Variants in KIAA1328 observed in about 807,000 individuals in gnomAD.
KIAA1328 encodes the protein protein hinderin.
In KIAA1328, 52 loss-of-function variants were observed where a neutral mutation model predicts 68.1. The ratio of observed to expected loss-of-function variants is 0.76; its 90% CI spans 0.61 to 0.96. KIAA1328 has a LOEUF of 0.96. Among genes scored for constraint, KIAA1328 ranks in the 40% least tolerant of loss-of-function variants. The pLI is 0.00. For synonymous variants in KIAA1328, 232 were observed against 239.4 expected (o/e 0.97, Z 0.28); for missense variants, 641 against 677.6 (o/e 0.95, Z 0.60).
intron 6 of KIAA1328, among the ~76,000 whole-genome samples, chr18:36,982,764 A>C (rs1054377965): frequency 3.9e-5 from 6 of 152,018 alleles, no homozygotes; most frequent in Non-Finnish European, 5.9e-5. Context: ...TTTTAAATGT[A>C]AATGCCTCTT....
chr18:37,048,231 A>G (rs2055553818), intron 6 of KIAA1328, among the ~76,000 whole-genome samples: 1 of 152,240 alleles, frequency 6.6e-6, no homozygotes. Flanking sequence ...CTTCTCACAC[A>G]TTGGATAACG....
chr18:36,992,301 G>T (rs946434149), intron 6 of KIAA1328, among the ~76,000 whole-genome samples: 34 of 151,976 alleles, frequency 2.2e-4, no homozygotes, highest in Non-Finnish European at 4.4e-4. Flanking sequence ...TGCTTTTTGG[G>T]TCCTTTTCTC....
chr18:37,207,004 G>A (rs1376758070), intron 9 of KIAA1328, among the ~76,000 whole-genome samples: 2 of 152,144 alleles, frequency 1.3e-5, no homozygotes, highest in African/African-American at 4.8e-5. Context: ...GTGGTGATAA[G>A]TGGAAAGGCA....
intron 1 of KIAA1328, 106 bp downstream of exon 1, chr18:36,829,302 C>T (rs747842174): frequency 8.3e-5 from 117 of 1,416,650 alleles, no homozygotes; most frequent in Non-Finnish European, 1.1e-4. Context: ...CCGAACTAAC[C>T]CCGGGGATGG....
rs186879917 is a variant in KIAA1328 at position 37,061,821 on chromosome 18, A to G, written c.577-5069A>G. Reference sequence around the variant, plus strand: ...TCTTCCTTTAGTTACTGTGACCCATACCCCATCTTGAATTTTTCTGTTAAG... The same window carrying G: ...TCTTCCTTTAGTTACTGTGACCCATGCCCCATCTTGAATTTTTCTGTTAAG... On this transcript the variant is annotated intron_variant, in intron 6 of 9. Transcript: ENST00000280020. 1.4e-4 allele frequency among the ~76,000 whole-genome samples: 22 copies of G among 152,128 alleles called. No individual in the cohort carries two copies. The East Asian group carries it at 4.3e-3, about 29-fold the overall frequency.
chr18:37,222,802 T>G lies in KIAA1328; in HGVS notation c.*575T>G, dbSNP rs1176493002. ...AATTGTGAGTCAGTCTCAGTAGCCA[T>G]CAGCCTGGCAGCTGCCCATCCCATA... On this transcript the variant is annotated 3_prime_UTR_variant, in exon 10 of 10. Coordinates refer to ENST00000280020, the MANE Select transcript of KIAA1328 (RefSeq NM_020776.3). The G allele has an allele frequency of 1.0e-6, 1 of 991,594 alleles. No individual in the cohort carries two copies. The highest frequency in any genetic ancestry group is 1.7e-5 in the African/African-American group (1 of 57,220). 61.4% of individuals were successfully genotyped at this position (991,594 alleles called of 1,614,324 possible).
intron 9 of KIAA1328, among the ~76,000 whole-genome samples, chr18:37,199,690 G>A (rs1417898529): frequency 2.0e-5 from 3 of 152,106 alleles, no homozygotes; most frequent in Admixed American, 2.0e-4. Flanking sequence ...CACAATAGTT[G>A]AACTAATTTA....
intron 4 of KIAA1328, among the ~76,000 whole-genome samples, chr18:36,861,534 A>G (rs938372142): frequency 2.0e-5 from 3 of 152,118 alleles, no homozygotes; most frequent in African/African-American, 7.2e-5. Context: ...TGGTTACTTT[A>G]TATTTCCTTT....
intron 7 of KIAA1328, among the ~76,000 whole-genome samples, chr18:37,086,737 T>C (rs1364164250): frequency 2.6e-5 from 4 of 152,232 alleles, no homozygotes; most frequent in African/African-American, 9.6e-5. Flanking sequence ...GAAGGTTGTA[T>C]TCTATTACCT....
chr18:37,071,470 G>A (rs147935132), intron 7 of KIAA1328, among the ~76,000 whole-genome samples: 6 of 151,612 alleles, frequency 4.0e-5, no homozygotes, highest in Non-Finnish European at 8.8e-5. Flanking sequence ...AATAGTTGGG[G>A]GCAATAAATA....
chr18:37,026,267 A>G (rs553651660), intron 6 of KIAA1328, among the ~76,000 whole-genome samples: 1 of 152,192 alleles, frequency 6.6e-6, no homozygotes, highest in African/African-American at 2.4e-5. Context: ...GACCAGATGG[A>G]TTCACAGCCA....
At chr18:36,841,777 A>G (rs866571244) in intron 3 of KIAA1328, among the ~76,000 whole-genome samples, 11 of 152,328 alleles carry the variant, frequency 7.2e-5, no homozygotes, top group Middle Eastern at 6.8e-3. Flanking sequence ...GCTTGCAGCC[A>G]TGGTTTACCA....
chr18:36,991,711 C>T (rs557910185), intron 6 of KIAA1328, among the ~76,000 whole-genome samples: 9 of 152,174 alleles, frequency 5.9e-5, no homozygotes, highest in Admixed American at 1.3e-4. Context: ...CTACATGCAG[C>T]TGACATGTTA....
downstream of KIAA1328, among the ~76,000 whole-genome samples, chr18:37,228,439 A>G (rs1470975361): frequency 3.9e-5 from 6 of 152,152 alleles, no homozygotes; most frequent in Non-Finnish European, 1.5e-5. Context: ...ATTTTAAGAA[A>G]TTGCTACAGC....
At chr18:37,005,710 C>T (rs2053756540) in intron 6 of KIAA1328, among the ~76,000 whole-genome samples, 1 of 152,054 alleles carries the variant, frequency 6.6e-6, no homozygotes, top group African/African-American at 2.4e-5. Flanking sequence ...CTTAAGCTTT[C>T]ATCAATAGAT....
Position 36,967,776 on chromosome 18 carries a change from G to A in KIAA1328, c.576+8341G>A, listed in dbSNP as rs59669775. Among the ~76,000 whole-genome samples, 30 of 152,230 alleles carry A rather than the reference G, an allele frequency of 2.0e-4. No homozygotes were observed. The East Asian group carries it at 5.6e-3, about 29-fold the overall frequency. On this transcript the variant is annotated intron_variant, in intron 6 of 9. Transcript: ENST00000280020. ...CTACTGCACACTGGGACTTGTTCAT[G>A]GCCTTCAGTGACTCCTGTGGAGTGG...
intron 4 of KIAA1328, among the ~76,000 whole-genome samples, chr18:36,864,050 G>A (rs999769315): frequency 6.6e-6 from 1 of 152,144 alleles, no homozygotes; most frequent in Non-Finnish European, 1.5e-5. Flanking sequence ...TGCTATGTGA[G>A]TAAGAATAAT....
At chr18:36,940,037 T>C (rs1212981086) in intron 5 of KIAA1328, among the ~76,000 whole-genome samples, 2 of 152,152 alleles carry the variant, frequency 1.3e-5, no homozygotes, top group African/African-American at 2.4e-5. Flanking sequence ...AAAGACACTG[T>C]ATTCTAACAA....
At chr18:36,854,420 G>T (rs951598287) in intron 4 of KIAA1328, among the ~76,000 whole-genome samples, 3 of 152,266 alleles carry the variant, frequency 2.0e-5, no homozygotes, top group African/African-American at 4.8e-5. Context: ...CAAAGTAAAA[G>T]AAGTTCCATA....
Sources: gnomAD v4.1 joint callset for allele counts (sites outside exome capture counted in the v4.1 genomes callset) on GRCh38, gnomAD v4.1.1 for gene constraint, MANE v1.5 for transcripts, NCBI Gene and HGNC (gene_info 2026-07-23, HGNC 2026-07-21) for gene names.